The following COPA variants were observed in gnomAD, a reference collection of about 807,000 sequenced individuals.
COPA encodes the protein coatomer subunit alpha.
COPA carries 10 observed loss-of-function variants against 158.7 expected under a neutral mutation model. The ratio of observed to expected loss-of-function variants is 0.06; its 90% CI spans 0.04 to 0.11. The LOEUF (loss-of-function observed/expected upper bound fraction) is 0.11, where lower values mean the gene tolerates loss of function less well. Among genes scored for constraint, COPA ranks in the 10% least tolerant of loss-of-function variants. The pLI, the probability that COPA is intolerant of heterozygous loss-of-function variation, is 1.00. For missense variants in COPA, 1,065 were observed against 1,536.7 expected, an observed-to-expected ratio of 0.69 and a Z score of 5.13; for synonymous variants, 462 against 542.8, an observed-to-expected ratio of 0.85 and a Z score of 2.07.
At chr1:160,319,254 A>AT (rs1303152352) in intron 8 of COPA, among the ~76,000 whole-genome samples, 4 of 152,106 alleles carry the variant, frequency 2.6e-5, no homozygotes, top group African/African-American at 9.7e-5. Flanking sequence ...GAGATAAAAC[A>AT]GACTACCAAA....
chr1:160,324,285 C>CTTTT (rs750360211), intron 7 of COPA, among the ~76,000 whole-genome samples: 32 of 102,298 alleles, frequency 3.1e-4, no homozygotes, highest in East Asian at 8.9e-4. Flanking sequence ...CTTCTTCATT[C>CTTTT]TTTTTTTTTT....
intron 30 of COPA, 22 bp downstream of exon 30, chr1:160,291,797 C>T (rs200140926): frequency 2.5e-6 from 4 of 1,608,364 alleles, no homozygotes; most frequent in Non-Finnish European, 8.5e-7. Flanking sequence ...CTCTGTTGTG[C>T]TCAGGGTCCT....
At chr1:160,333,162 G>A (rs1199037781) in intron 5 of COPA, among the ~76,000 whole-genome samples, 2 of 152,230 alleles carry the variant, frequency 1.3e-5, no homozygotes, top group African/African-American at 4.8e-5. Context: ...AACCTCAGGT[G>A]ATTTGCCTGC....
intron 8 of COPA, among the ~76,000 whole-genome samples, chr1:160,317,919 T>C (rs929251584): frequency 6.6e-6 from 1 of 152,170 alleles, no homozygotes; most frequent in Non-Finnish European, 1.5e-5. Context: ...CATATTACCC[T>C]CTCCTTTTTA....
At chr1:160,319,168 A>C (rs1407348764) in intron 8 of COPA, among the ~76,000 whole-genome samples, 2 of 152,120 alleles carry the variant, frequency 1.3e-5, no homozygotes, top group African/African-American at 4.8e-5. Context: ...AGACACACAT[A>C]GACTGAAAAC....
chr1:160,317,310 G>A, intron 8 of COPA: 1 of 1,158,190 alleles, frequency 8.6e-7, no homozygotes, highest in Non-Finnish European at 1.3e-6. Flanking sequence ...GTGCTGTGGG[G>A]AAGGGAGAAG....
intron 8 of COPA, among the ~76,000 whole-genome samples, chr1:160,314,903 C>G (rs1189370381): frequency 6.6e-6 from 1 of 151,970 alleles, no homozygotes; most frequent in Non-Finnish European, 1.5e-5. Flanking sequence ...TGGATGAATT[C>G]TATGTTCATA....
At chr1:160,313,211 T>G (rs1659024799) in intron 9 of COPA, 44 bp from the exon 10 acceptor site, 4 of 1,549,162 alleles carry the variant, frequency 2.6e-6, no homozygotes, top group African/African-American at 2.7e-5. Context: ...TTCCTAGGAA[T>G]CTTCAGCCCA....
At chr1:160,310,509 G>C (rs903027158) in intron 11 of COPA, 1 of 289,738 alleles carries the variant, frequency 3.5e-6, no homozygotes, top group Non-Finnish European at 6.5e-6. Context: ...ACAGAAGGTA[G>C]GTAGGGTTAA....
chr1:160,316,257 C>A (rs913228648), intron 8 of COPA, among the ~76,000 whole-genome samples: 3 of 151,866 alleles, frequency 2.0e-5, no homozygotes, highest in Non-Finnish European at 4.4e-5. Context: ...ACTTGGGAGG[C>A]TGAGGCAGGA....
chr1:160,302,239 A>G (rs1355818678), intron 17 of COPA, among the ~76,000 whole-genome samples: 1 of 152,172 alleles, frequency 6.6e-6, no homozygotes, highest in African/African-American at 2.4e-5. Context: ...ATTTCTAAAT[A>G]TCAACAAAAT....
chr1:160,326,502 C>A (rs1647220786), intron 6 of COPA, among the ~76,000 whole-genome samples: 1 of 152,172 alleles, frequency 6.6e-6, no homozygotes, highest in Non-Finnish European at 1.5e-5. Context: ...GCACTCCAGC[C>A]TGGGTGACAT....
intron 8 of COPA, among the ~76,000 whole-genome samples, chr1:160,320,792 T>TAAAAAAAAAAA (rs143294298): frequency 2.2e-5 from 2 of 89,242 alleles, no homozygotes; most frequent in African/African-American, 4.0e-5. Context: ...TTCAAACTCT[T>TAAAAAAAAAAA]AAAAAAAAAA....
At chr1:160,324,672 G>A (rs550301064) in intron 7 of COPA, among the ~76,000 whole-genome samples, 23 of 151,972 alleles carry the variant, frequency 1.5e-4, no homozygotes, top group African/African-American at 4.8e-4. Flanking sequence ...TGATATCATC[G>A]CTCTGACAGC....
At chr1:160,328,608 G>A (rs555546309) in intron 6 of COPA, among the ~76,000 whole-genome samples, 1 of 152,254 alleles carries the variant, frequency 6.6e-6, no homozygotes, top group South Asian at 2.1e-4. Context: ...AACAGGATTT[G>A]GCAGCAAATT....
intron 8 of COPA, among the ~76,000 whole-genome samples, chr1:160,320,643 C>T (rs1330776252): frequency 1.6e-5 from 2 of 127,910 alleles, no homozygotes; most frequent in Non-Finnish European, 3.4e-5. Context: ...GATTGAACCA[C>T]GATAAAATAG....
intron 28 of COPA, 36 bp downstream of exon 28, chr1:160,292,448 T>C: frequency 6.2e-7 from 1 of 1,612,576 alleles, no homozygotes; most frequent in Non-Finnish European, 8.5e-7. Flanking sequence ...CGACCACAAC[T>C]TGGAACAGAT....
rs200629872 is a variant in COPA at position 160,343,224 on chromosome 1, C to G, written c.-54G>C. 2.3e-5 allele frequency: 37 copies of G among 1,610,270 alleles called. No homozygotes were observed. The African/African-American group carries it at 3.6e-4, about 16-fold the overall frequency. On this transcript the variant is annotated 5_prime_UTR_variant, in exon 1 of 33. Coordinates refer to ENST00000241704, the MANE Select transcript of COPA (RefSeq NM_004371.4). Reference sequence around the variant, plus strand: ...ATCCGAGCCCCGACACACCCTGCTGCCCTTCGGACGCCTCCACGTCAGCGA... The same window carrying G: ...ATCCGAGCCCCGACACACCCTGCTGGCCTTCGGACGCCTCCACGTCAGCGA...
intron 8 of COPA, among the ~76,000 whole-genome samples, chr1:160,320,720 C>A (rs1385742530): frequency 6.8e-6 from 1 of 147,306 alleles, no homozygotes; most frequent in Admixed American, 6.8e-5. Flanking sequence ...AAGAAAAGCC[C>A]AGGACCTGAC....
Sources: allele counts gnomAD v4.1 joint callset (sites outside exome capture counted in the v4.1 genomes callset), GRCh38; gene constraint gnomAD v4.1.1; transcripts MANE v1.5; gene names NCBI Gene and HGNC (gene_info 2026-07-23, HGNC 2026-07-21).